The following MROH9 variants were observed in gnomAD, a reference collection of about 807,000 sequenced individuals.
MROH9 encodes maestro heat like repeat family member 9, also known as maestro heat-like repeat-containing protein family member 9.
In MROH9, 92 loss-of-function variants were observed where a neutral mutation model predicts 98.2. The observed-to-expected ratio is 0.94, with a 90% CI of 0.79 to 1.11. MROH9 has a LOEUF of 1.11. Ranked by LOEUF, MROH9 falls within the 50% of genes most tolerant of loss-of-function variation. The probability of loss-of-function intolerance (pLI) is 0.00; values close to 1 mark genes in which losing one functional copy is unlikely to be tolerated. For synonymous variants in MROH9, 397 were observed against 368.9 expected, an observed-to-expected ratio of 1.08 and a Z score of -0.87; for missense variants, 1,057 against 1,014.8, an observed-to-expected ratio of 1.04 and a Z score of -0.57.
At chr1:170,973,490 C>T (rs905903584) in intron 8 of MROH9, among the ~76,000 whole-genome samples, 8 of 151,866 alleles carry the variant, frequency 5.3e-5, no homozygotes, top group Admixed American at 2.6e-4. Context: ...TAATTACCTA[C>T]CAAAACAAAG....
chr1:171,038,297 G>A (rs1464703403), intron 20 of MROH9, among the ~76,000 whole-genome samples: 1 of 152,066 alleles, frequency 6.6e-6, no homozygotes, highest in African/African-American at 2.4e-5. Flanking sequence ...TTCCAAAAGT[G>A]ATGCAAACAA....
intron 20 of MROH9, among the ~76,000 whole-genome samples, chr1:171,040,518 G>A (rs964998446): frequency 1.3e-5 from 2 of 152,054 alleles, no homozygotes; most frequent in African/African-American, 4.8e-5. Context: ...AAAATGTTAT[G>A]TTATATACCT....
chr1:170,940,563 T>C (rs888245356), intron 1 of MROH9, among the ~76,000 whole-genome samples: 1 of 152,190 alleles, frequency 6.6e-6, no homozygotes, highest in African/African-American at 2.4e-5. Flanking sequence ...AAAAAAAGTA[T>C]TTGCCAGAAT....
At chr1:170,955,158 C>T (rs576394657) in intron 3 of MROH9, among the ~76,000 whole-genome samples, 107 of 152,164 alleles carry the variant, frequency 7.0e-4, no homozygotes, top group Non-Finnish European at 1.1e-3. Flanking sequence ...CTTTTTATGG[C>T]TGAGTAGTAT....
In MROH9 at chr1:171,016,195, C is replaced by A; in HGVS notation, c.1767C>A (p.Ile589=). ...ATGTCAGCAGTATATTAATAGCCAT[C>A]CTGGATGCCTTCCTTTCCAAAGACG... ...TENVSSILIA[I]LDAFLSKDDN... The change falls in exon 17 of 22, where the codon ATC becomes ATA. Residue 589 remains isoleucine (I), a synonymous_variant. Coordinates refer to ENST00000367759, the MANE Select transcript of MROH9 (RefSeq NM_001163629.2). The A allele has an allele frequency of 6.5e-7, 1 of 1,530,886 alleles. No individual in the cohort carries two copies. The highest frequency in any genetic ancestry group is 8.8e-7 in the Non-Finnish European group (1 of 1,138,336). The allele number at this position is 1,530,886 out of a possible 1,614,324, so 94.8% of individuals were successfully genotyped here.
At chr1:171,000,731 T>A (rs1042894318) in intron 15 of MROH9, among the ~76,000 whole-genome samples, 1 of 152,128 alleles carries the variant, frequency 6.6e-6, no homozygotes, top group Non-Finnish European at 1.5e-5. Flanking sequence ...CTGGTTTTGG[T>A]ATTAGGGTGA....
chr1:171,010,728 G>A (rs554251870), intron 15 of MROH9, among the ~76,000 whole-genome samples: 2 of 152,268 alleles, frequency 1.3e-5, no homozygotes, highest in African/African-American at 4.8e-5. Context: ...CTGCATAAAT[G>A]TCTTCTTTTG....
chr1:170,964,548 C>A (rs1650156644), intron 6 of MROH9, among the ~76,000 whole-genome samples: 1 of 152,038 alleles, frequency 6.6e-6, no homozygotes, highest in South Asian at 2.1e-4. Context: ...GTATTCTTCC[C>A]TTTTCAAGGT....
At chr1:171,038,931 AAG>A (rs1311253907) in intron 20 of MROH9, among the ~76,000 whole-genome samples, 1 of 152,152 alleles carries the variant, frequency 6.6e-6, no homozygotes, top group African/African-American at 2.4e-5. Flanking sequence ...GTTATTCATG[AAG>A]AAAAAAAAAA....
intron 9 of MROH9, among the ~76,000 whole-genome samples, chr1:170,985,626 A>C (rs554475929): frequency 6.9e-4 from 105 of 152,194 alleles, no homozygotes; most frequent in Non-Finnish European, 5.4e-4. Context: ...GCAAATATTC[A>C]AGAAGAGAAT....
Position 170,945,500 on chromosome 1 carries a change from A to G in MROH9, c.-37-20A>G. On this transcript the variant is annotated intron_variant, in intron 1 of 21. Transcript: ENST00000367759. ...AGGAAAGTTTCTGGTTTATGTACTAATACGTGATATTTTTTGCAGCATTAC... is the reference window on the plus strand; with the variant it reads ...AGGAAAGTTTCTGGTTTATGTACTAGTACGTGATATTTTTTGCAGCATTAC... The G allele has an allele frequency of 6.3e-7, 1 of 1,582,516 alleles. No homozygotes were observed. The highest frequency in any genetic ancestry group is 1.1e-5 in the South Asian group (1 of 90,394).
In MROH9 at chr1:170,985,952, C is replaced by CT. The variant is rs34229108; in HGVS notation, c.730-598dup. On this transcript the variant is annotated intron_variant, in intron 9 of 21. Coordinates refer to ENST00000367759, the MANE Select transcript of MROH9 (RefSeq NM_001163629.2). ...GTATCCTCTGTACTTGGGAGAATGA[C>CT]TTTTTTTTTTTCCATATAAAGGCAA... 3.4e-3 allele frequency among the ~76,000 whole-genome samples: 515 copies of CT among 150,290 alleles called. 6 individuals are homozygous for CT. Among genetic ancestry groups the CT allele is most frequent in the African/African-American group, 0.011 (456 of 40,898 alleles).
At chr1:170,970,315 G>A (rs1054062700) in intron 7 of MROH9, among the ~76,000 whole-genome samples, 2 of 151,896 alleles carry the variant, frequency 1.3e-5, no homozygotes, top group Non-Finnish European at 2.9e-5. Context: ...CTCATACCCA[G>A]TAGAGAGAGA....
intron 20 of MROH9, among the ~76,000 whole-genome samples, chr1:171,036,053 C>G (rs1192705110): frequency 6.6e-6 from 1 of 151,954 alleles, no homozygotes; most frequent in Non-Finnish European, 1.5e-5. Context: ...ATACTACATA[C>G]CAATGGAAAA....
At position 171,036,751 on chromosome 1, in the gene MROH9, C is replaced by T. The variant is rs567536622; in HGVS notation, c.2281+11331C>T. 3.0e-4 allele frequency among the ~76,000 whole-genome samples: 45 copies of T among 150,838 alleles called. No homozygotes were observed. The South Asian group carries it at 9.4e-3, about 32-fold the overall frequency. ...ATAAAAATAAATAAATAAATAAACG[C>T]TATCTTTACACTCACCAGAATAGAT... On this transcript the variant is annotated intron_variant, in intron 20 of 21. Transcript: ENST00000367759.
intron 3 of MROH9, among the ~76,000 whole-genome samples, chr1:170,955,854 A>G (rs1571446378): frequency 6.6e-6 from 1 of 152,010 alleles, no homozygotes; most frequent in Admixed American, 6.6e-5. Flanking sequence ...TTTTTATTGC[A>G]TTTGCTTTTG....
intron 1 of MROH9, among the ~76,000 whole-genome samples, chr1:170,936,088 T>G (rs1648870805): frequency 6.6e-6 from 1 of 151,918 alleles, no homozygotes; most frequent in Non-Finnish European, 1.5e-5. Flanking sequence ...GAATTTGTCT[T>G]TATTCATTAA....
At position 171,014,335 on chromosome 1, in the gene MROH9, C is replaced by A. The variant is rs181056805; in HGVS notation, c.1734+81C>A. ...TGATGTCACTTAACATCTTCACTGA[C>A]AAAGCGGTGATATTTTTCAGTCTCT... On this transcript the variant is annotated intron_variant, in intron 16 of 21. Transcript: ENST00000367759. The A allele has an allele frequency of 4.1e-4, 525 of 1,295,454 alleles. 6 individuals are homozygous for A. The East Asian group carries it at 0.011, about 27-fold the overall frequency. The allele number at this position is 1,295,454 out of a possible 1,614,324, so 80.2% of individuals were successfully genotyped here.
At chr1:171,051,160 C>T (rs911472331) in intron 20 of MROH9, among the ~76,000 whole-genome samples, 1 of 152,164 alleles carries the variant, frequency 6.6e-6, no homozygotes, top group South Asian at 2.1e-4. Flanking sequence ...TTAGTTCAAA[C>T]ATTGTGTAAG....
Sources: gnomAD v4.1 joint callset for allele counts (sites outside exome capture counted in the v4.1 genomes callset) on GRCh38, gnomAD v4.1.1 for gene constraint, MANE v1.5 for transcripts, NCBI Gene and HGNC (gene_info 2026-07-23, HGNC 2026-07-21) for gene names.